The following PLXDC2 variants were observed in gnomAD, a reference collection of about 807,000 sequenced individuals.
PLXDC2 encodes plexin domain-containing protein 2.
PLXDC2 carries 40 observed loss-of-function variants against 68.9 expected under a neutral mutation model. The observed-to-expected ratio is 0.58, with a 90% CI of 0.45 to 0.76. The LOEUF (loss-of-function observed/expected upper bound fraction) is 0.76, where lower values mean the gene tolerates loss of function less well. Ranked by LOEUF, PLXDC2 falls within the 30% of genes least tolerant of loss-of-function variation. The probability of loss-of-function intolerance (pLI) is 0.00; values close to 1 mark genes in which losing one functional copy is unlikely to be tolerated. For missense variants in PLXDC2, 644 were observed against 661.9 expected (o/e 0.97, Z 0.30); for synonymous variants, 243 against 234.2 (o/e 1.04, Z -0.34).
intron 1 of PLXDC2, among the ~76,000 whole-genome samples, chr10:19,911,844 AT>A (rs1589532366): frequency 1.3e-5 from 2 of 152,182 alleles, no homozygotes; most frequent in Middle Eastern, 3.2e-3. Flanking sequence ...ACAGATCAGT[AT>A]TTAATTCTGT....
At chr10:19,855,930 A>G (rs1300521349) in intron 1 of PLXDC2, among the ~76,000 whole-genome samples, 1 of 152,116 alleles carries the variant, frequency 6.6e-6, no homozygotes, top group Non-Finnish European at 1.5e-5. Context: ...CTAAAAAAAT[A>G]TACATATATA....
chr10:20,155,267 T>C (rs908435143), intron 6 of PLXDC2, among the ~76,000 whole-genome samples: 2 of 152,142 alleles, frequency 1.3e-5, no homozygotes, highest in Non-Finnish European at 2.9e-5. Context: ...AAGATGAACA[T>C]TGGCTGAACT....
intron 4 of PLXDC2, among the ~76,000 whole-genome samples, chr10:20,110,305 T>C (rs1344401103): frequency 3.3e-5 from 5 of 152,082 alleles, no homozygotes; most frequent in Non-Finnish European, 7.4e-5. Context: ...GAAGACAGGA[T>C]AGATTAATTA....
chr10:19,843,143 C>T (rs1189577024), intron 1 of PLXDC2, among the ~76,000 whole-genome samples: 1 of 151,910 alleles, frequency 6.6e-6, no homozygotes, highest in African/African-American at 2.4e-5. Flanking sequence ...GGTTTCCCAC[C>T]AAGGTAGTTT....
intron 4 of PLXDC2, among the ~76,000 whole-genome samples, chr10:20,080,458 C>G (rs947340084): frequency 1.3e-5 from 2 of 152,140 alleles, no homozygotes; most frequent in Non-Finnish European, 2.9e-5. Flanking sequence ...CCCTGAAGGT[C>G]TAAGAGCCCC....
At chr10:20,204,469 C>T (rs1446590884) in intron 9 of PLXDC2, among the ~76,000 whole-genome samples, 1 of 151,966 alleles carries the variant, frequency 6.6e-6, no homozygotes, top group African/African-American at 2.4e-5. Flanking sequence ...ATTTTTCATA[C>T]CTTTGCATAC....
At chr10:20,060,832 A>G (rs1215511409) in intron 3 of PLXDC2, among the ~76,000 whole-genome samples, 1 of 152,196 alleles carries the variant, frequency 6.6e-6, no homozygotes, top group African/African-American at 2.4e-5. Context: ...AGTCACTGAA[A>G]GCTTATAACA....
At chr10:19,885,657 T>C (rs1311351504) in intron 1 of PLXDC2, among the ~76,000 whole-genome samples, 2 of 151,318 alleles carry the variant, frequency 1.3e-5, no homozygotes, top group Admixed American at 1.3e-4. Flanking sequence ...AAAGATCAGA[T>C]AGTTGTAGAT....
At chr10:19,872,969 A>G (rs1837568277) in intron 1 of PLXDC2, among the ~76,000 whole-genome samples, 1 of 152,170 alleles carries the variant, frequency 6.6e-6, no homozygotes, top group Non-Finnish European at 1.5e-5. Flanking sequence ...ATGCTGATTC[A>G]AATGATTACA....
intron 1 of PLXDC2, among the ~76,000 whole-genome samples, chr10:19,902,862 G>C (rs1298797648): frequency 6.6e-6 from 1 of 152,144 alleles, no homozygotes; most frequent in Non-Finnish European, 1.5e-5. Context: ...CTTCTATGCT[G>C]ATTTTGCTGA....
At chr10:19,946,178 C>G in intron 1 of PLXDC2, among the ~76,000 whole-genome samples, 1 of 152,180 alleles carries the variant, frequency 6.6e-6, no homozygotes, top group Admixed American at 6.5e-5. Flanking sequence ...TGCCTCCAAT[C>G]ATCTCCTCCT....
In PLXDC2 at chr10:20,245,901, T is replaced by C. The variant is rs374990862; in HGVS notation, c.1473+396T>C. On this transcript the variant is annotated intron_variant, in intron 13 of 13. Transcript: ENST00000377252. ...TTGCTCAGTAAATGCTAATTGAGTA[T>C]TGGCTGTATGCATGATACAATATGA... 3.9e-5 allele frequency among the ~76,000 whole-genome samples: 6 copies of C among 152,304 alleles called. No individual in the cohort carries two copies. The South Asian group carries it at 8.3e-4, about 21-fold the overall frequency.
chr10:19,976,197 T>C (rs566395453), intron 1 of PLXDC2, among the ~76,000 whole-genome samples: 2 of 152,016 alleles, frequency 1.3e-5, no homozygotes, highest in Middle Eastern at 3.2e-3. Flanking sequence ...AGTAATTTTT[T>C]TGTTGTTTGT....
intron 11 of PLXDC2, 81 bp from the exon 12 acceptor site, chr10:20,218,983 T>C: frequency 6.8e-7 from 1 of 1,475,512 alleles, no homozygotes; most frequent in Non-Finnish European, 9.3e-7. Context: ...AGGCAGTTAG[T>C]AGACAATTAC....
rs142415436 is a variant in PLXDC2, at chr10:20,282,532, A to G, written c.*2713A>G. On this transcript the variant is annotated 3_prime_UTR_variant, in exon 14 of 14. Coordinates refer to ENST00000377252, the MANE Select transcript of PLXDC2 (RefSeq NM_032812.9). ...GGAATTTAGTTATTTCAGCTTAATT[A>G]TTTGTAAAAATAATAATCAGTGACT... 6.6e-4 allele frequency: 101 copies of G among 152,324 alleles called. 1 individual carries two copies. The highest frequency in any genetic ancestry group is 2.2e-3 in the African/African-American group (93 of 41,580). 9.4% of individuals were successfully genotyped at this position (152,324 alleles called of 1,614,324 possible).
At chr10:20,191,892 C>A (rs1334415584) in intron 9 of PLXDC2, among the ~76,000 whole-genome samples, 1 of 151,946 alleles carries the variant, frequency 6.6e-6, no homozygotes, top group Admixed American at 6.6e-5. Context: ...GTAAGCCTGC[C>A]TTATACCTAG....
intron 2 of PLXDC2, among the ~76,000 whole-genome samples, chr10:20,004,671 C>A (rs1834997580): frequency 6.6e-6 from 1 of 152,136 alleles, no homozygotes; most frequent in Non-Finnish European, 1.5e-5. Flanking sequence ...AACACAGATT[C>A]CAAGAACTCT....
At chr10:20,042,187 CT>C (rs1199503051) in intron 2 of PLXDC2, among the ~76,000 whole-genome samples, 1 of 152,082 alleles carries the variant, frequency 6.6e-6, no homozygotes, top group African/African-American at 2.4e-5. Context: ...AATTCTTTAC[CT>C]GACTACTGCC....
chr10:20,262,361 G>A (rs1289750524), intron 13 of PLXDC2, among the ~76,000 whole-genome samples: 1 of 152,200 alleles, frequency 6.6e-6, no homozygotes, highest in African/African-American at 2.4e-5. Flanking sequence ...AAGTTTCAGT[G>A]TGATATTAAA....
Sources: allele counts gnomAD v4.1 joint callset (sites outside exome capture counted in the v4.1 genomes callset), GRCh38; gene constraint gnomAD v4.1.1; transcripts MANE v1.5; gene names NCBI Gene and HGNC (gene_info 2026-07-23, HGNC 2026-07-21).